Variants in ESYT2 observed in about 807,000 individuals in gnomAD.
The protein encoded by ESYT2 is extended synaptotagmin-2.
In ESYT2, 54 loss-of-function variants were observed where a neutral mutation model predicts 107.2. The observed-to-expected ratio is 0.50, with a 90% CI of 0.40 to 0.63. The LOEUF is 0.63. Among genes scored for constraint, ESYT2 ranks in the 30% least tolerant of loss-of-function variants. The probability of loss-of-function intolerance (pLI) is 0.00; values close to 1 mark genes in which losing one functional copy is unlikely to be tolerated. For missense variants in ESYT2, 1,020 were observed against 1,094.5 expected (o/e 0.93, Z 0.96); for synonymous variants, 491 against 434.1 (o/e 1.13, Z -1.63).
At chr7:158,809,563 C>T (rs1839937300) in intron 1 of ESYT2, among the ~76,000 whole-genome samples, 1 of 150,078 alleles carries the variant, frequency 6.7e-6, no homozygotes, top group African/African-American at 2.5e-5. Flanking sequence ...ATAAAAATGG[C>T]CAAGAAGCAC....
At chr7:158,764,619 C>T (rs772594451) in intron 9 of ESYT2, 58 bp downstream of exon 9, 7 of 1,556,274 alleles carry the variant, frequency 4.5e-6, no homozygotes, top group South Asian at 1.2e-5. Context: ...GAGAGCTTGG[C>T]CATCCCGCTC....
chr7:158,738,518 G>A (rs754829141), intron 19 of ESYT2, among the ~76,000 whole-genome samples: 4 of 151,940 alleles, frequency 2.6e-5, no homozygotes, highest in African/African-American at 9.7e-5. Context: ...GCAATGGCAC[G>A]ATCTTGGCTC....
At chr7:158,763,409 C>T (rs842438) in intron 9 of ESYT2, among the ~76,000 whole-genome samples, 92,496 of 151,568 alleles carry the variant, frequency 0.61, 30,576 homozygotes, top group Non-Finnish European at 0.74. Context: ...ATTCTCCTGC[C>T]TCAGCCTCCC....
At chr7:158,770,408 C>T (rs1156636480) in intron 7 of ESYT2, among the ~76,000 whole-genome samples, 1 of 151,368 alleles carries the variant, frequency 6.6e-6, no homozygotes, top group Non-Finnish European at 1.5e-5. Flanking sequence ...GATATTTTTA[C>T]ATTTCCCTTT....
intron 15 of ESYT2, among the ~76,000 whole-genome samples, chr7:158,749,445 G>A (rs1201523819): frequency 6.6e-6 from 1 of 152,170 alleles, no homozygotes; most frequent in East Asian, 1.9e-4. Context: ...AAAATGAACA[G>A]TATATTTCTT....
intron 18 of ESYT2, among the ~76,000 whole-genome samples, chr7:158,740,474 C>G (rs887086645): frequency 6.6e-6 from 1 of 152,140 alleles, no homozygotes; most frequent in Admixed American, 6.5e-5. Flanking sequence ...CTGTCCTACC[C>G]GAATTTGCAT....
chr7:158,764,554 G>A (rs1165986250), intron 9 of ESYT2, 123 bp downstream of exon 9: 2 of 997,000 alleles, frequency 2.0e-6, no homozygotes, highest in Non-Finnish European at 3.0e-6. Context: ...ATTAAACAAG[G>A]AACATTTAAA....
At chr7:158,752,952 T>G (rs1408907103) in intron 13 of ESYT2, 109 bp from the exon 14 acceptor site, 3 of 670,732 alleles carry the variant, frequency 4.5e-6, no homozygotes, top group Non-Finnish European at 6.6e-6. Context: ...ACAAAAATCT[T>G]TAAACAAAAC....
In ESYT2 at chr7:158,829,427, A is replaced by C. The variant is rs1840566260; in HGVS notation, c.-9T>G. On this transcript the variant is annotated 5_prime_UTR_variant, in exon 1 of 23. Transcript: ENST00000275418. ...CCCCGGGCGCCGCTCATCGCCCCGC[A>C]GTGCCGCGCTGCCCTCCCGGCCGAG... The C allele has an allele frequency of 5.1e-6, 6 of 1,186,246 alleles. No individual in the cohort carries two copies. The highest frequency in any genetic ancestry group is 6.2e-6 in the Non-Finnish European group (6 of 962,758). 73.5% of individuals were successfully genotyped at this position (1,186,246 alleles called of 1,614,324 possible).
chr7:158,739,153 G>A (rs758320370), intron 18 of ESYT2, 32 bp from the exon 19 acceptor site: 2 of 1,585,844 alleles, frequency 1.3e-6, no homozygotes, highest in Non-Finnish European at 1.7e-6. Context: ...TCACCAGCTT[G>A]CCTGAGACTG....
chr7:158,741,407 C>T, intron 18 of ESYT2, 116 bp downstream of exon 18: 1 of 1,425,646 alleles, frequency 7.0e-7, no homozygotes, highest in East Asian at 2.4e-5. Context: ...AAGATTAGGC[C>T]TCCCTCCCCA....
At chr7:158,738,344 GACACACAC>G (rs199580275) in intron 19 of ESYT2, among the ~76,000 whole-genome samples, 20,576 of 131,216 alleles carry the variant, frequency 0.16, 1,975 homozygotes, top group African/African-American at 0.23. Flanking sequence ...CACACACACA[GACACACAC>G]ACACACACAC....
rs373858509 is a variant in ESYT2, at chr7:158,825,205, G to A, written c.330+3884C>T. Among the ~76,000 whole-genome samples, 37 of 152,258 alleles carry A rather than the reference G, an allele frequency of 2.4e-4. No homozygotes were observed. In the East Asian group the frequency reaches 7.2e-3, roughly 29 times the overall value. On this transcript the variant is annotated intron_variant, in intron 1 of 22. Transcript: ENST00000275418. ...CTACTTGGGAGGCTGAGGCAGGAGAGTCGCTTAAACCCGGGAGGCAGAGGT... is the reference window on the plus strand; with the variant it reads ...CTACTTGGGAGGCTGAGGCAGGAGAATCGCTTAAACCCGGGAGGCAGAGGT...
chr7:158,788,012 T>C lies in ESYT2; in HGVS notation c.739A>G (p.Arg247Gly). 6.2e-7 allele frequency: 1 copy of C among 1,612,964 alleles called. No homozygotes were observed. Among genetic ancestry groups the C allele is most frequent in the Non-Finnish European group, 8.5e-7 (1 of 1,179,006 alleles). ...LVGALSIFFLRKPLLEINWTG... is the reference protein window; with the variant it reads ...LVGALSIFFLGKPLLEINWTG... ...AATAAATATTGACTTACTGGTTTCC[T>C]AAGGAAGAAGATAGACAAAGCTCCA... Residue 247 changes from arginine (R) to glycine (G), a missense_variant, in exon 6 of 23, where the codon AGG becomes GGG. By Grantham distance (125) the Arg-to-Gly change is moderately radical (BLOSUM62 -2). Transcript: ENST00000275418.
At chr7:158,764,951 G>C in intron 8 of ESYT2, 98 bp from the exon 9 acceptor site, 1 of 1,229,668 alleles carries the variant, frequency 8.1e-7, no homozygotes, top group Non-Finnish European at 1.1e-6. Context: ...AGAATTGGGA[G>C]TGCCGAGGGA....
chr7:158,773,854 C>T (rs1838458983), intron 6 of ESYT2, among the ~76,000 whole-genome samples: 1 of 152,204 alleles, frequency 6.6e-6, no homozygotes, highest in Non-Finnish European at 1.5e-5. Context: ...CATTTACATT[C>T]CCAACCAAAG....
At chr7:158,736,170 A>G (rs1587363318) in intron 20 of ESYT2, among the ~76,000 whole-genome samples, 1 of 152,200 alleles carries the variant, frequency 6.6e-6, no homozygotes, top group Non-Finnish European at 1.5e-5. Flanking sequence ...CTGGGGGGCA[A>G]GTGGAGTCTC....
At chr7:158,799,834 A>C (rs1054870290) in intron 1 of ESYT2, among the ~76,000 whole-genome samples, 1 of 152,018 alleles carries the variant, frequency 6.6e-6, no homozygotes, top group Non-Finnish European at 1.5e-5. Flanking sequence ...ACAGGAGAAA[A>C]GAAACCTATT....
intron 13 of ESYT2, 38 bp downstream of exon 13, chr7:158,759,448 A>C (rs910883855): frequency 2.0e-6 from 3 of 1,521,228 alleles, no homozygotes; most frequent in Non-Finnish European, 2.7e-6. Flanking sequence ...AGCTGCTAGG[A>C]AATACGCACC....
Sources: gnomAD v4.1 joint callset for allele counts (sites outside exome capture counted in the v4.1 genomes callset) on GRCh38, gnomAD v4.1.1 for gene constraint, MANE v1.5 for transcripts, NCBI Gene and HGNC (gene_info 2026-07-23, HGNC 2026-07-21) for gene names.